The following RASA3 variants were observed in gnomAD, a reference collection of about 807,000 sequenced individuals.
RASA3 encodes the protein ras GTPase-activating protein 3.
A neutral mutation model predicts 110.0 loss-of-function variants in RASA3; 73 were observed. The ratio of observed to expected loss-of-function variants is 0.66; its 90% CI spans 0.55 to 0.81. RASA3 has a LOEUF of 0.81. Ranked by LOEUF, RASA3 falls within the 30% of genes least tolerant of loss-of-function variation. RASA3 has a pLI of 0.00. For missense variants in RASA3, 976 were observed against 1,113.2 expected (o/e 0.88, Z 1.75); for synonymous variants, 500 against 451.4 (o/e 1.11, Z -1.37).
chr13:114,007,656 T>G (rs1178625550), intron 17 of RASA3, 50 bp from the exon 18 acceptor site: 1 of 1,430,048 alleles, frequency 7.0e-7, no homozygotes, highest in Non-Finnish European at 9.8e-7. Flanking sequence ...ACATCTGACG[T>G]GCACGGCTCT....
intron 1 of RASA3, among the ~76,000 whole-genome samples, chr13:114,128,231 C>T (rs962501836): frequency 5.3e-5 from 8 of 152,244 alleles, no homozygotes; most frequent in Admixed American, 1.3e-4. Context: ...GGGAAAGCCA[C>T]GGCGTGGCCA....
chr13:114,071,245 A>C (rs980464340), intron 2 of RASA3, among the ~76,000 whole-genome samples: 1 of 152,184 alleles, frequency 6.6e-6, no homozygotes, highest in Non-Finnish European at 1.5e-5. Context: ...AGCCTCCCAA[A>C]GTGCTGGGAT....
In RASA3 at chr13:114,056,595, G is replaced by C. The variant is rs557044061; in HGVS notation, c.174-4440C>G. The C allele has an allele frequency of 1.8e-5, 18 of 985,230 alleles. No homozygotes were observed. Among genetic ancestry groups the C allele is most frequent in the Middle Eastern group, 5.2e-4 (1 of 1,914 alleles). 61.0% of individuals were successfully genotyped at this position (985,230 alleles called of 1,614,324 possible). ...CTGCTTGGCAGTGGGGGGCTCGGTGGGGGGAGGCCCGTGCTGGCTGGGCAC... is the reference window on the plus strand; with the variant it reads ...CTGCTTGGCAGTGGGGGGCTCGGTGCGGGGAGGCCCGTGCTGGCTGGGCAC... On this transcript the variant is annotated intron_variant, in intron 2 of 23. Transcript: ENST00000334062. This position sits in a 1 kb window ranked among gnomAD's most constrained non-coding sequence, Gnocchi z 5.7.
chr13:114,011,159 A>G lies in RASA3; in HGVS notation c.1590+12T>C. 1 of 1,596,900 alleles carries G rather than the reference A, an allele frequency of 6.3e-7. No homozygotes were observed. The highest frequency in any genetic ancestry group is 8.6e-7 in the Non-Finnish European group (1 of 1,165,386). ...TGTCCCTAAAAAGAGAAAATGAAGA[A>G]GAGGGACTCACAGATTTGGACTTGG... On this transcript the variant is annotated intron_variant, in intron 16 of 23. Transcript: ENST00000334062. This position sits in a 1 kb window ranked among gnomAD's most constrained non-coding sequence, Gnocchi z 4.8.
At chr13:114,123,091 C>T (rs1484033770) in intron 1 of RASA3, among the ~76,000 whole-genome samples, 9 of 152,176 alleles carry the variant, frequency 5.9e-5, no homozygotes, top group African/African-American at 2.4e-5. Context: ...CTGCTGCCGG[C>T]ATGGCTTTGG....
rs1052755676 is a variant in RASA3, at chr13:114,048,659, C to G, written c.277+3393G>C. On this transcript the variant is annotated intron_variant, in intron 3 of 23. Transcript: ENST00000334062. This position sits in a 1 kb window ranked among gnomAD's most constrained non-coding sequence, Gnocchi z 4.3. ...AGGCCGCCTCCCTGCGCCTGGAATC[C>G]CGAAGGAGCCTGCGCCCCGTGTGTC... Among the ~76,000 whole-genome samples, 1 of 152,220 alleles carries G rather than the reference C, an allele frequency of 6.6e-6. No individual in the cohort carries two copies. Among genetic ancestry groups the G allele is most frequent in the Admixed American group, 6.5e-5 (1 of 15,284 alleles).
At chr13:114,104,336 G>A (rs567764427) in intron 1 of RASA3, among the ~76,000 whole-genome samples, 255 of 144,334 alleles carry the variant, frequency 1.8e-3, no homozygotes, top group African/African-American at 6.0e-3. Flanking sequence ...CACTGCCGCC[G>A]GCCACGGACA....
At chr13:113,994,537 G>A (rs900399713) in intron 21 of RASA3, among the ~76,000 whole-genome samples, 3 of 142,676 alleles carry the variant, frequency 2.1e-5, no homozygotes, top group East Asian at 4.1e-4. Context: ...GAGTTCATGT[G>A]GGTAATCCCA....
intron 20 of RASA3, among the ~76,000 whole-genome samples, chr13:113,998,034 G>A (rs1460515596): frequency 6.6e-6 from 1 of 152,234 alleles, no homozygotes; most frequent in Non-Finnish European, 1.5e-5. Context: ...TGAGAGCCTG[G>A]CCTGGCAGTG....
chr13:114,023,597 G>A (rs969236698), intron 8 of RASA3, among the ~76,000 whole-genome samples: 2 of 152,240 alleles, frequency 1.3e-5, no homozygotes, highest in Non-Finnish European at 2.9e-5. Flanking sequence ...ACATTCTGAC[G>A]CCTGCCCTCC....
In RASA3 at chr13:114,099,464, G is replaced by A. The variant is rs546156086; in HGVS notation, c.56-25627C>T. Among the ~76,000 whole-genome samples, 21 of 151,890 alleles carry A rather than the reference G, an allele frequency of 1.4e-4. No individual in the cohort carries two copies. The East Asian group carries it at 3.5e-3, about 25-fold the overall frequency. The stretch of plus-strand genomic sequence containing the variant: ...TTCCAGGCACATTTGGATTCCCCGG[G>A]GTGTCCGGGAATGACTCAGGCCTCT... On this transcript the variant is annotated intron_variant, in intron 1 of 23. Coordinates refer to ENST00000334062, the MANE Select transcript of RASA3 (RefSeq NM_007368.4).
intron 1 of RASA3, among the ~76,000 whole-genome samples, chr13:114,127,268 T>C (rs548179083): frequency 6.6e-6 from 1 of 152,336 alleles, no homozygotes; most frequent in South Asian, 2.1e-4. Context: ...CTTCCAGGAA[T>C]GACGCCCCCA....
chr13:114,051,090 C>G (rs549314236), intron 3 of RASA3, among the ~76,000 whole-genome samples: 1 of 152,188 alleles, frequency 6.6e-6, no homozygotes, highest in Non-Finnish European at 1.5e-5. Context: ...ACAGCACCCT[C>G]GTGGCCTCGC....
intron 1 of RASA3, among the ~76,000 whole-genome samples, chr13:114,122,710 CAG>C (rs550678258): frequency 3.0e-5 from 4 of 132,026 alleles, no homozygotes; most frequent in East Asian, 1.9e-4. Context: ...GGCCTCCACA[CAG>C]GGGGACGCAG....
Position 114,024,279 on chromosome 13 carries a change from C to A in RASA3, c.680G>T (p.Arg227Ile), listed in dbSNP as rs775092404. The A allele has an allele frequency of 9.3e-6, 15 of 1,613,966 alleles. No homozygotes were observed. In the South Asian group the frequency reaches 1.6e-4, roughly 18 times the overall value. The change falls in exon 8 of 24, where the codon AGA becomes ATA. Residue 227 changes from arginine (R) to isoleucine (I), a missense_variant and splice_region_variant. Around this residue, in one of 4 missense-constraint regions of RASA3, gnomAD observed 732 missense variants for 779.7 expected, o/e 0.94. Transcript: ENST00000334062. Reference sequence around the variant, plus strand: ...GGGACGCGGAGCCTGGTTTTCTCACCTGATTTCGAGCTTGTCCACGTCTTC... The same window carrying A: ...GGGACGCGGAGCCTGGTTTTCTCACATGATTTCGAGCTTGTCCACGTCTTC... ...EEEDVDKLEI[R>I]VDLWNASNLK...
chr13:114,076,337 C>T (rs2079681042), intron 1 of RASA3, among the ~76,000 whole-genome samples: 2 of 152,140 alleles, frequency 1.3e-5, no homozygotes, highest in Non-Finnish European at 2.9e-5. Flanking sequence ...CTCAACACGG[C>T]GACTCTCCCG....
intron 4 of RASA3, among the ~76,000 whole-genome samples, chr13:114,039,837 C>T (rs1020407973): frequency 2.0e-5 from 3 of 152,218 alleles, no homozygotes; most frequent in African/African-American, 7.2e-5. Context: ...ACAAGCTCCC[C>T]CCACTGGACA....
intron 1 of RASA3, among the ~76,000 whole-genome samples, chr13:114,123,724 G>A (rs182348228): frequency 5.9e-5 from 9 of 152,338 alleles, no homozygotes; most frequent in African/African-American, 1.7e-4. Context: ...ATCCTGGGGC[G>A]AGGGAGGCAC....
chr13:114,062,778 C>G lies in RASA3; in HGVS notation c.174-10623G>C, dbSNP rs143814874. ...TGACAGCCAGACAGTGGAAACAAGGCAGGTGGGCCTCGGCTGCTGAGGGAG... is the reference window on the plus strand; with the variant it reads ...TGACAGCCAGACAGTGGAAACAAGGGAGGTGGGCCTCGGCTGCTGAGGGAG... On this transcript the variant is annotated intron_variant, in intron 2 of 23. Coordinates refer to ENST00000334062, the MANE Select transcript of RASA3 (RefSeq NM_007368.4). 4.6e-5 allele frequency among the ~76,000 whole-genome samples: 7 copies of G among 152,376 alleles called. No individual in the cohort carries two copies. In the East Asian group the frequency reaches 1.3e-3, roughly 29 times the overall value.
Sources: gnomAD v4.1 joint callset for allele counts (sites outside exome capture counted in the v4.1 genomes callset) on GRCh38, gnomAD v4.1.1 for gene constraint, gnomAD v4.1.1 regional missense constraint, Gnocchi (gnomAD v3.1) non-coding constraint, MANE v1.5 for transcripts, NCBI Gene and HGNC (gene_info 2026-07-23, HGNC 2026-07-21) for gene names.